The following CBLN2 variants were observed in gnomAD, a reference collection of about 807,000 sequenced individuals.
CBLN2 encodes the protein cerebellin-2.
A neutral mutation model predicts 15.0 loss-of-function variants in CBLN2; 7 were observed. The ratio of observed to expected loss-of-function variants is 0.47; its 90% CI spans 0.27 to 0.88. The LOEUF (loss-of-function observed/expected upper bound fraction) is 0.88, where lower values mean the gene tolerates loss of function less well. Among genes scored for constraint, CBLN2 ranks in the 40% least tolerant of loss-of-function variants. CBLN2 has a pLI of 0.14. For synonymous variants in CBLN2, 149 were observed against 135.2 expected (o/e 1.10, Z -0.71); for missense variants, 242 against 304.5 (o/e 0.79, Z 1.53).
chr18:72,588,219 G>A (rs1454077789), intron 1 of CBLN2, among the ~76,000 whole-genome samples: 1 of 152,104 alleles, frequency 6.6e-6, no homozygotes, highest in Admixed American at 6.6e-5. Flanking sequence ...AGTGTGAGGA[G>A]GTTATGTTTA....
At chr18:72,582,098 G>C (rs2069410027) in intron 1 of CBLN2, among the ~76,000 whole-genome samples, 1 of 152,064 alleles carries the variant, frequency 6.6e-6, no homozygotes, top group Non-Finnish European at 1.5e-5. Flanking sequence ...TTTTTTCCCT[G>C]TTCTGTCATC....
At chr18:72,584,516 A>T (rs2069429363) in intron 1 of CBLN2, among the ~76,000 whole-genome samples, 1 of 151,752 alleles carries the variant, frequency 6.6e-6, no homozygotes, top group Admixed American at 6.6e-5. Context: ...GTTGGTCAGG[A>T]TGGTCTCGAT....
chr18:72,607,133 A>G (rs983919347), intron 1 of CBLN2, among the ~76,000 whole-genome samples: 2 of 152,214 alleles, frequency 1.3e-5, no homozygotes, highest in Admixed American at 1.3e-4. Context: ...CCCTGTGAAC[A>G]TGATCATCTG....
chr18:72,587,085 G>T (rs2069448851), intron 1 of CBLN2, among the ~76,000 whole-genome samples: 1 of 151,822 alleles, frequency 6.6e-6, no homozygotes, highest in African/African-American at 2.4e-5. Context: ...AAATATATTA[G>T]GGAGGTTTAA....
intron 1 of CBLN2, among the ~76,000 whole-genome samples, chr18:72,599,895 A>C (rs925458127): frequency 6.6e-6 from 1 of 152,194 alleles, no homozygotes; most frequent in Non-Finnish European, 1.5e-5. Flanking sequence ...CAATTTTCCC[A>C]GTGAGAGGTG....
chr18:72,636,519 G>C (rs9953418), intron 1 of CBLN2, among the ~76,000 whole-genome samples: 1 of 152,054 alleles, frequency 6.6e-6, no homozygotes, highest in East Asian at 1.9e-4. Flanking sequence ...TCACCAGCTG[G>C]GCACAAATAT....
chr18:72,589,322 A>G (rs1369873636), intron 1 of CBLN2, among the ~76,000 whole-genome samples: 3 of 152,356 alleles, frequency 2.0e-5, no homozygotes, highest in South Asian at 2.1e-4. Flanking sequence ...TCATACCAAC[A>G]AATTCAAAAG....
At chr18:72,615,280 A>AT (rs539990555) in intron 1 of CBLN2, among the ~76,000 whole-genome samples, 12,037 of 33,408 alleles carry the variant, frequency 0.36, 1,474 homozygotes, top group South Asian at 0.48. Context: ...ATATATATAT[A>AT]TATTTTTTTT....
At chr18:72,584,602 T>C (rs2144922504) in intron 1 of CBLN2, among the ~76,000 whole-genome samples, 1 of 152,308 alleles carries the variant, frequency 6.6e-6, no homozygotes, top group African/African-American at 2.4e-5. Context: ...ATGCCCAGCC[T>C]ACAATCTTAT....
chr18:72,591,701 CA>C (rs1316027629), intron 1 of CBLN2, among the ~76,000 whole-genome samples: 2 of 152,082 alleles, frequency 1.3e-5, no homozygotes, highest in Non-Finnish European at 2.9e-5. Flanking sequence ...TCCATGAGTT[CA>C]ATTGTTTTCA....
At chr18:72,617,325 A>C (rs768289755) in intron 1 of CBLN2, among the ~76,000 whole-genome samples, 1 of 152,214 alleles carries the variant, frequency 6.6e-6, no homozygotes, top group South Asian at 2.1e-4. Flanking sequence ...TACTGATTGA[A>C]TGAATTACCA....
chr18:72,568,990 A>T (rs529039925), intron 1 of CBLN2, among the ~76,000 whole-genome samples: 1 of 152,364 alleles, frequency 6.6e-6, no homozygotes, highest in South Asian at 2.1e-4. Flanking sequence ...CTTATGAATG[A>T]GTGAAGTTCC....
chr18:72,576,912 A>C (rs926281399), intron 1 of CBLN2, among the ~76,000 whole-genome samples: 6 of 148,176 alleles, frequency 4.0e-5, no homozygotes, highest in African/African-American at 9.8e-5. Context: ...GTATATATAC[A>C]TTTATTTTCA....
rs1474289274 is a variant in CBLN2 at position 72,592,332 on chromosome 18, A to AT, written c.15+45992dup. Among the ~76,000 whole-genome samples, 6 of 151,564 alleles carry AT rather than the reference A, an allele frequency of 4.0e-5. No individual in the cohort carries two copies. The South Asian group carries it at 1.0e-3, about 26-fold the overall frequency. On this transcript the variant is annotated intron_variant, in intron 1 of 2. Coordinates refer to the CBLN2 transcript ENST00000581073. The stretch of plus-strand genomic sequence containing the variant: ...AAATATCCATCCAGATCTTTGGCCC[A>AT]TTTTTAAATAGAATTATTGCATTTC...
At position 72,537,357 on chromosome 18, in the gene CBLN2, T is replaced by C. The variant is rs1490206116; in HGVS notation, c.*819A>G. On this transcript the variant is annotated 3_prime_UTR_variant, in exon 5 of 5. Transcript: ENST00000269503. The stretch of plus-strand genomic sequence containing the variant: ...TGTTACTTTTACTTTGATAAACAGA[T>C]ACTTTTTGTTTAGTTTGGTCTCGTC... 1 of 152,236 alleles carries C rather than the reference T, an allele frequency of 6.6e-6. No homozygotes were observed. Among genetic ancestry groups the C allele is most frequent in the Admixed American group, 6.5e-5 (1 of 15,292 alleles). The allele number at this position is 152,236 out of a possible 1,614,324, so 9.4% of individuals were successfully genotyped here.
At chr18:72,596,612 A>G in intron 1 of CBLN2, among the ~76,000 whole-genome samples, 1 of 152,184 alleles carries the variant, frequency 6.6e-6, no homozygotes, top group East Asian at 1.9e-4. Context: ...TCTGTTGTTG[A>G]TGAAAGCCCT....
rs994699953 is a variant in CBLN2 at position 72,631,910 on chromosome 18, A to C, written c.15+6415T>G. Among the ~76,000 whole-genome samples the C allele has an allele frequency of 2.6e-5, 4 of 152,164 alleles. No individual in the cohort carries two copies. The South Asian group carries it at 8.3e-4, about 32-fold the overall frequency. On this transcript the variant is annotated intron_variant, in intron 1 of 2. Coordinates refer to the CBLN2 transcript ENST00000581073. The stretch of plus-strand genomic sequence containing the variant: ...ACATATGTAATTTACAGGAAATTTA[A>C]TATCATCATCTGATCAACGATTTTG...
At chr18:72,574,283 T>G (rs1015863982) in intron 1 of CBLN2, among the ~76,000 whole-genome samples, 2 of 152,234 alleles carry the variant, frequency 1.3e-5, no homozygotes, top group South Asian at 4.1e-4. Context: ...TTTTTAAATT[T>G]TAATCAAGTT....
At chr18:72,540,467 G>T (rs1434842225) in intron 3 of CBLN2, among the ~76,000 whole-genome samples, 1 of 152,060 alleles carries the variant, frequency 6.6e-6, no homozygotes, top group Non-Finnish European at 1.5e-5. Context: ...CAAATGCAAA[G>T]GTGGATATAA....
Sources: allele counts gnomAD v4.1 joint callset (sites outside exome capture counted in the v4.1 genomes callset), GRCh38; gene constraint gnomAD v4.1.1; transcripts MANE v1.5; gene names NCBI Gene and HGNC (gene_info 2026-07-23, HGNC 2026-07-21).